Variants in HIVEP3 observed in about 807,000 individuals in gnomAD.
HIVEP3 encodes HIVEP zinc finger 3, also known as transcription factor HIVEP3.
A neutral mutation model predicts 152.8 loss-of-function variants in HIVEP3; 49 were observed. The ratio of observed to expected loss-of-function variants is 0.32; its 90% CI spans 0.26 to 0.41. HIVEP3 has a LOEUF of 0.41. HIVEP3 is among the 10% of genes least tolerant of loss of function. The pLI is 1.00. For missense variants in HIVEP3, 2,790 were observed against 3,103.3 expected, an observed-to-expected ratio of 0.90 and a Z score of 2.40; for synonymous variants, 1,269 against 1,289.0, an observed-to-expected ratio of 0.98 and a Z score of 0.33.
chr1:41,900,870 G>A lies in HIVEP3; in HGVS notation c.-801+17543C>T, dbSNP rs1452648991. On this transcript the variant is annotated intron_variant, in intron 1 of 8. Transcript: ENST00000372583. Reference sequence around the variant, plus strand: ...GAGAAGTAGGCAGGGCCCATCGCCTGGGGTGGTGCATACCTTGGGAAGAAT... The same window carrying A: ...GAGAAGTAGGCAGGGCCCATCGCCTAGGGTGGTGCATACCTTGGGAAGAAT... Among the ~76,000 whole-genome samples, 4 of 152,096 alleles carry A rather than the reference G, an allele frequency of 2.6e-5. 1 individual carries two copies. Among genetic ancestry groups the A allele is most frequent in the Non-Finnish European group, 5.9e-5 (4 of 68,002 alleles).
intron 3 of HIVEP3, among the ~76,000 whole-genome samples, chr1:41,593,311 CTTG>C (rs2149117612): frequency 6.6e-6 from 1 of 152,158 alleles, no homozygotes; most frequent in Non-Finnish European, 1.5e-5. Context: ...TGATCTGCGA[CTTG>C]TTTTTTTTCT....
At chr1:41,732,038 A>G (rs563359315) in intron 1 of HIVEP3, among the ~76,000 whole-genome samples, 67 of 152,226 alleles carry the variant, frequency 4.4e-4, no homozygotes, top group Non-Finnish European at 1.9e-4. Flanking sequence ...GAAACAAAAG[A>G]TGAGGACATG....
intron 1 of HIVEP3, among the ~76,000 whole-genome samples, chr1:41,868,840 C>T (rs900832340): frequency 5.9e-5 from 9 of 152,204 alleles, no homozygotes; most frequent in East Asian, 1.9e-4. Context: ...ACACTTATTT[C>T]GTAAGACTGT....
chr1:41,693,781 T>C (rs556365243), intron 2 of HIVEP3, among the ~76,000 whole-genome samples: 33 of 152,366 alleles, frequency 2.2e-4, no homozygotes, highest in African/African-American at 7.9e-4. Flanking sequence ...TTCATGTTTT[T>C]TAATCTCCTT....
chr1:41,996,797 A>T (rs1024170935), intron 1 of HIVEP3, among the ~76,000 whole-genome samples: 9 of 152,224 alleles, frequency 5.9e-5, no homozygotes, highest in Non-Finnish European at 1.3e-4. Context: ...AATAAAATCA[A>T]AGTGTGAGCA....
At chr1:42,003,044 G>T (rs2124524757) in intron 1 of HIVEP3, among the ~76,000 whole-genome samples, 1 of 152,072 alleles carries the variant, frequency 6.6e-6, no homozygotes, top group South Asian at 2.1e-4. Context: ...TAAATATCTA[G>T]AAATTAATAT....
intron 1 of HIVEP3, among the ~76,000 whole-genome samples, chr1:41,860,538 T>C (rs1643874315): frequency 6.6e-6 from 1 of 152,222 alleles, no homozygotes; most frequent in South Asian, 2.1e-4. Context: ...GAGAATTCCA[T>C]TGTGTTTGTA....
intron 2 of HIVEP3, among the ~76,000 whole-genome samples, chr1:41,691,805 T>A (rs975560422): frequency 6.6e-6 from 1 of 152,254 alleles, no homozygotes; most frequent in Non-Finnish European, 1.5e-5. Context: ...TGCAAATTTA[T>A]GTACTTGATC....
Position 41,510,558 on chromosome 1 carries a change from G to A in HIVEP3, c.7114C>T (p.Leu2372Phe), listed in dbSNP as rs1644435453. The A allele has an allele frequency of 4.5e-6, 7 of 1,570,470 alleles. No homozygotes were observed. The highest frequency in any genetic ancestry group is 5.2e-6 in the Non-Finnish European group (6 of 1,157,864). ...SARFPARTRN[L>F]SGEPRTRQDS... ...TGCCTGGTCCTGGGTTCCCCGGAGA[G>A]GTTCCTCGTCCGGGCTGGGAAGCGG... Residue 2372 changes from leucine to phenylalanine, a missense_variant, in exon 9 of 9, where the codon CTC becomes TTC. Physicochemically the swap from Leu to Phe is conservative, Grantham distance 22 (BLOSUM62 0). Around this residue, in one of 9 missense-constraint regions of HIVEP3, gnomAD observed 816 missense variants for 806.5 expected, o/e 1.01. Coordinates refer to ENST00000372583, the MANE Select transcript of HIVEP3 (RefSeq NM_024503.5).
At chr1:41,574,321 C>G (rs543252235) in intron 5 of HIVEP3, among the ~76,000 whole-genome samples, 1 of 152,148 alleles carries the variant, frequency 6.6e-6, no homozygotes, top group Non-Finnish European at 1.5e-5. Flanking sequence ...CCTCCCCACA[C>G]GGAAAGAGGG....
chr1:41,946,747 T>C (rs1370066336), intron 1 of HIVEP3, among the ~76,000 whole-genome samples: 1 of 152,000 alleles, frequency 6.6e-6, no homozygotes, highest in African/African-American at 2.4e-5. Context: ...CAAGTTAAAC[T>C]AAAGGATTCT....
intron 1 of HIVEP3, among the ~76,000 whole-genome samples, chr1:41,734,537 C>T (rs1019275682): frequency 1.3e-5 from 2 of 152,304 alleles, no homozygotes; most frequent in African/African-American, 4.8e-5. Flanking sequence ...GAAAGGTGTT[C>T]AGCCAAGGAG....
chr1:41,999,886 C>CTT (rs371837035), intron 1 of HIVEP3, among the ~76,000 whole-genome samples: 1 of 144,296 alleles, frequency 6.9e-6, no homozygotes, highest in African/African-American at 2.5e-5. Flanking sequence ...TTGATCCATT[C>CTT]TTTTTTTTTT....
chr1:41,681,955 G>A (rs1344363751), intron 2 of HIVEP3, among the ~76,000 whole-genome samples: 1 of 152,106 alleles, frequency 6.6e-6, no homozygotes, highest in African/African-American at 2.4e-5. Context: ...TTCCTCTAAC[G>A]CTATCCCTGA....
intron 1 of HIVEP3, among the ~76,000 whole-genome samples, chr1:41,822,399 T>C (rs180797632): frequency 6.6e-5 from 10 of 152,324 alleles, no homozygotes; most frequent in African/African-American, 2.4e-4. Context: ...AATCTGCTTC[T>C]GGATGGAGGA....
intron 3 of HIVEP3, among the ~76,000 whole-genome samples, chr1:41,605,627 C>T (rs1644812518): frequency 6.6e-6 from 1 of 151,846 alleles, no homozygotes. Flanking sequence ...GAGAGGCTGA[C>T]TCCTGGGGGT....
At chr1:41,812,819 G>A (rs924768982) in intron 1 of HIVEP3, among the ~76,000 whole-genome samples, 42 of 132,250 alleles carry the variant, frequency 3.2e-4, no homozygotes, top group African/African-American at 1.2e-3. Context: ...GGGGTGGGGG[G>A]ACAGATAAGT....
chr1:41,901,343 C>T (rs574306666), intron 1 of HIVEP3, among the ~76,000 whole-genome samples: 2 of 152,158 alleles, frequency 1.3e-5, no homozygotes, highest in Non-Finnish European at 2.9e-5. Flanking sequence ...GCTGCATTTA[C>T]AATCAGTTCT....
In HIVEP3 at chr1:41,645,303, C is replaced by T. The variant is rs546988961; in HGVS notation, c.-720-16356G>A. Among the ~76,000 whole-genome samples the T allele has an allele frequency of 7.2e-5, 11 of 152,236 alleles. No individual in the cohort carries two copies. In the South Asian group the frequency reaches 1.9e-3, roughly 26 times the overall value. On this transcript the variant is annotated intron_variant, in intron 2 of 8. Transcript: ENST00000372583. ...GAGGGCTGACTGCATGTGATCTGAC[C>T]GCCACACAGGGAGGGAGAGAAGATG...
Sources: allele counts gnomAD v4.1 joint callset (sites outside exome capture counted in the v4.1 genomes callset), GRCh38; gene constraint gnomAD v4.1.1; regional missense constraint gnomAD v4.1.1; transcripts MANE v1.5; gene names NCBI Gene and HGNC (gene_info 2026-07-23, HGNC 2026-07-21).